Variants in VWA8 observed in about 807,000 individuals in gnomAD.
VWA8 encodes the protein von Willebrand factor A domain-containing protein 8.
VWA8 carries 221 observed loss-of-function variants against 241.5 expected under a neutral mutation model. The ratio of observed to expected loss-of-function variants is 0.91; its 90% CI spans 0.82 to 1.02. VWA8 has a LOEUF of 1.02. VWA8 is among the 50% of genes least tolerant of loss of function. The probability of loss-of-function intolerance (pLI) is 0.00; values close to 1 mark genes in which losing one functional copy is unlikely to be tolerated. For synonymous variants in VWA8, 852 were observed against 827.1 expected (o/e 1.03, Z -0.52); for missense variants, 2,322 against 2,328.7 (o/e 1.00, Z 0.06).
At chr13:41,789,965 A>G (rs1276930628) in intron 17 of VWA8, among the ~76,000 whole-genome samples, 2 of 152,174 alleles carry the variant, frequency 1.3e-5, no homozygotes, top group Non-Finnish European at 2.9e-5. Context: ...TGAGACATCC[A>G]AAGTATGTAA....
chr13:41,709,504 T>C (rs1353130674), intron 26 of VWA8, among the ~76,000 whole-genome samples: 1 of 152,204 alleles, frequency 6.6e-6, no homozygotes, highest in Non-Finnish European at 1.5e-5. Context: ...AACTCTGATC[T>C]CTTCCTTTCA....
chr13:41,741,578 T>C (rs1257600436), intron 21 of VWA8, among the ~76,000 whole-genome samples: 1 of 152,236 alleles, frequency 6.6e-6, no homozygotes, highest in Non-Finnish European at 1.5e-5. Flanking sequence ...ATACTGTCTA[T>C]AGACAAGGGT....
At chr13:41,680,617 C>T (rs910353315) in intron 35 of VWA8, among the ~76,000 whole-genome samples, 2 of 152,142 alleles carry the variant, frequency 1.3e-5, no homozygotes, top group African/African-American at 4.8e-5. Flanking sequence ...CTCAAATGTA[C>T]TAAAAGTCAG....
At position 41,914,036 on chromosome 13, in the gene VWA8, G is replaced by A. The variant is rs142315311; in HGVS notation, c.242-1868C>T. Among the ~76,000 whole-genome samples, 557 of 152,330 alleles carry A rather than the reference G, an allele frequency of 3.7e-3. 2 individuals are homozygous for A. The highest frequency in any genetic ancestry group is 0.013 in the African/African-American group (527 of 41,584). On this transcript the variant is annotated intron_variant, in intron 2 of 44. Transcript: ENST00000379310. ...GCAGGTGGATCACCTGAGGTCAGAA[G>A]TTCAAGACCAGCCTGGCCCACATGG...
rs538546748 is a variant in VWA8 at position 41,636,154 on chromosome 13, CT to C, written c.4612-21071del. Among the ~76,000 whole-genome samples the C allele has an allele frequency of 2.8e-3, 423 of 152,238 alleles. 1 individual carries two copies. The highest frequency in any genetic ancestry group is 4.6e-3 in the Non-Finnish European group (315 of 68,006). ...ATTAAGAACATCAGGGAGAACAAAG[CT>C]GGAGGCATCATGCTACCTGACTTCA... On this transcript the variant is annotated intron_variant, in intron 37 of 44. Transcript: ENST00000379310.
intron 4 of VWA8, 66 bp from the exon 5 acceptor site, chr13:41,891,653 T>C (rs1874853698): frequency 1.3e-6 from 2 of 1,546,772 alleles, no homozygotes; most frequent in African/African-American, 1.4e-5. Flanking sequence ...CTAACATTAC[T>C]TGTAATTCAA....
At chr13:41,926,546 C>A (rs1454828237) in intron 2 of VWA8, 2 of 543,534 alleles carry the variant, frequency 3.7e-6, no homozygotes, top group Non-Finnish European at 7.5e-6. Context: ...ATGCCAGTTC[C>A]AGAATGAAGG....
chr13:41,813,152 G>T (rs1252242849), intron 16 of VWA8, among the ~76,000 whole-genome samples: 3 of 152,142 alleles, frequency 2.0e-5, no homozygotes, highest in Non-Finnish European at 4.4e-5. Context: ...CTAGGATTCT[G>T]CTATGTGTAA....
chr13:41,692,870 C>G lies in VWA8; in HGVS notation c.3667G>C (p.Glu1223Gln). 1.2e-6 allele frequency: 2 copies of G among 1,609,212 alleles called. No individual in the cohort carries two copies. The highest frequency in any genetic ancestry group is 1.7e-6 in the Non-Finnish European group (2 of 1,177,048). The change falls in exon 30 of 45, where the codon GAA (glutamate) becomes CAA (glutamine). Residue 1223 changes from glutamate to glutamine, a missense_variant. Coordinates refer to ENST00000379310, the MANE Select transcript of VWA8 (RefSeq NM_015058.2). ...AATGTGGTGTTTCTTACAGCTTCTT[C>G]TTTGTTCCACCAGAAAGGTTTCTTA... is the stretch of plus-strand genomic sequence containing the variant. ...TSKKPFWWNK[E>Q]EAETYKMCKE...
chr13:41,764,347 CCT>C (rs2045764271), intron 20 of VWA8, among the ~76,000 whole-genome samples: 1 of 152,080 alleles, frequency 6.6e-6, no homozygotes, highest in Non-Finnish European at 1.5e-5. Context: ...TTCGTTTCTC[CCT>C]CTCTCACTTC....
At chr13:41,870,484 C>A (rs1048301287) in intron 9 of VWA8, among the ~76,000 whole-genome samples, 1 of 151,816 alleles carries the variant, frequency 6.6e-6, no homozygotes, top group Non-Finnish European at 1.5e-5. Context: ...ACTAAAAATA[C>A]AAAAATTAGC....
chr13:41,797,397 A>G (rs1272722052), intron 17 of VWA8, among the ~76,000 whole-genome samples: 1 of 152,102 alleles, frequency 6.6e-6, no homozygotes, highest in African/African-American at 2.4e-5. Flanking sequence ...CAAATGTCTC[A>G]TGTGTGCTTG....
intron 2 of VWA8, 84 bp from the exon 3 acceptor site, chr13:41,912,252 T>G: frequency 9.6e-7 from 1 of 1,046,390 alleles, no homozygotes; most frequent in Non-Finnish European, 1.3e-6. Flanking sequence ...CATATTTATA[T>G]ATATATATAA....
At chr13:41,955,889 C>T (rs1204210726) in intron 1 of VWA8, 2 of 152,222 alleles carry the variant, frequency 1.3e-5, no homozygotes, top group Non-Finnish European at 2.9e-5. Context: ...GTAAGGCAAA[C>T]ACTGAGTTAT....
chr13:41,911,062 CTTTTTTTTTT>C (rs5803108), intron 3 of VWA8, among the ~76,000 whole-genome samples: 1 of 97,980 alleles, frequency 1.0e-5, no homozygotes, highest in Non-Finnish European at 2.2e-5. Context: ...CATTTTCTTT[CTTTTTTTTTT>C]TTTTTTTTTG....
chr13:41,902,700 T>C (rs528508172), intron 4 of VWA8, among the ~76,000 whole-genome samples: 5 of 152,334 alleles, frequency 3.3e-5, no homozygotes, highest in Non-Finnish European at 5.9e-5. Flanking sequence ...CTATTACATA[T>C]TATTATTAAC....
At chr13:41,807,147 T>G (rs569192733) in intron 17 of VWA8, among the ~76,000 whole-genome samples, 1 of 151,346 alleles carries the variant, frequency 6.6e-6, no homozygotes, top group Non-Finnish European at 1.5e-5. Context: ...TACGAAGAAA[T>G]AGAAAATGTG....
chr13:41,649,496 T>C (rs983911614), intron 37 of VWA8, among the ~76,000 whole-genome samples: 7 of 152,216 alleles, frequency 4.6e-5, no homozygotes, highest in African/African-American at 1.7e-4. Context: ...CAGATAATAA[T>C]ATTATCTGTA....
intron 21 of VWA8, among the ~76,000 whole-genome samples, chr13:41,733,054 G>A (rs1318992146): frequency 6.6e-6 from 1 of 152,136 alleles, no homozygotes; most frequent in African/African-American, 2.4e-5. Context: ...CTTACTCAAA[G>A]TAAAGCACAA....
Sources: gnomAD v4.1 joint callset for allele counts (sites outside exome capture counted in the v4.1 genomes callset) on GRCh38, gnomAD v4.1.1 for gene constraint, MANE v1.5 for transcripts, NCBI Gene and HGNC (gene_info 2026-07-23, HGNC 2026-07-21) for gene names.